The following MYO1E variants were observed in gnomAD, a reference collection of about 807,000 sequenced individuals.
MYO1E encodes myosin IE.
A neutral mutation model predicts 151.1 loss-of-function variants in MYO1E; 68 were observed. The observed-to-expected ratio is 0.45, with a 90% CI of 0.37 to 0.55. The LOEUF (loss-of-function observed/expected upper bound fraction) is 0.55, where lower values mean the gene tolerates loss of function less well. Ranked by LOEUF, MYO1E falls within the 20% of genes least tolerant of loss-of-function variation. The pLI, the probability that MYO1E is intolerant of heterozygous loss-of-function variation, is 0.00. For missense variants in MYO1E, 1,363 were observed against 1,389.3 expected, an observed-to-expected ratio of 0.98 and a Z score of 0.30; for synonymous variants, 601 against 501.7, an observed-to-expected ratio of 1.20 and a Z score of -2.64.
chr15:59,337,302 A>ATT (rs2080735049), intron 1 of MYO1E, among the ~76,000 whole-genome samples: 1 of 152,246 alleles, frequency 6.6e-6, no homozygotes, highest in Non-Finnish European at 1.5e-5. Flanking sequence ...AAAACAAAAC[A>ATT]TAAGGCAGGC....
intron 15 of MYO1E, 87 bp downstream of exon 15, chr15:59,205,313 C>T (rs1317950824): frequency 6.8e-6 from 9 of 1,320,102 alleles, no homozygotes; most frequent in Non-Finnish European, 9.8e-6. Context: ...TAGGAACACA[C>T]CACCACACCC....
chr15:59,215,772 CA>C (rs1218757729), intron 10 of MYO1E, among the ~76,000 whole-genome samples: 2 of 151,806 alleles, frequency 1.3e-5, no homozygotes, highest in East Asian at 1.9e-4. Flanking sequence ...GTACTATTCA[CA>C]AAAAAAACTG....
chr15:59,211,449 C>T (rs1371827418), intron 12 of MYO1E, among the ~76,000 whole-genome samples: 1 of 152,086 alleles, frequency 6.6e-6, no homozygotes, highest in Non-Finnish European at 1.5e-5. Context: ...CTCAGCCCTC[C>T]TTCTCTAGGT....
At chr15:59,305,746 T>C (rs1392357351) in intron 1 of MYO1E, among the ~76,000 whole-genome samples, 1 of 152,244 alleles carries the variant, frequency 6.6e-6, no homozygotes, top group Non-Finnish European at 1.5e-5. Flanking sequence ...GGGCTTTTTA[T>C]TGGACACACA....
chr15:59,301,582 T>C (rs1369285513), intron 1 of MYO1E, among the ~76,000 whole-genome samples: 1 of 152,252 alleles, frequency 6.6e-6, no homozygotes, highest in Admixed American at 6.5e-5. Flanking sequence ...TGAAGAGATC[T>C]TCTTGGATGC....
chr15:59,221,721 C>CAGT (rs1420327379), intron 9 of MYO1E, among the ~76,000 whole-genome samples: 4 of 152,174 alleles, frequency 2.6e-5, no homozygotes, highest in Non-Finnish European at 4.4e-5. Context: ...GCTGAGAAGA[C>CAGT]TACTAACTCT....
rs4287498 is a variant in MYO1E at position 59,256,028 on chromosome 15, T to C, written c.332+256A>G. Among the ~76,000 whole-genome samples the C allele has an allele frequency of 0.8, 121,502 of 152,174 alleles. 48,999 individuals carry two copies. Among genetic ancestry groups the C allele is most frequent in the Non-Finnish European group, 0.85 (57,710 of 68,006 alleles). ...TAGGGACCTACAGAAAAGGAATTCA[T>C]CTGACTAAACAGTGAAAACATGTTT... is the stretch of plus-strand genomic sequence containing the variant. On this transcript the variant is annotated intron_variant, in intron 4 of 27. Transcript: ENST00000288235.
At chr15:59,173,199 A>T (rs2079605690) in intron 21 of MYO1E, among the ~76,000 whole-genome samples, 3 of 152,254 alleles carry the variant, frequency 2.0e-5, no homozygotes. Flanking sequence ...GAATCCTTTG[A>T]TTCAACGATT....
chr15:59,234,246 G>GGATGGA (rs1566987682), intron 5 of MYO1E, among the ~76,000 whole-genome samples: 6,313 of 141,760 alleles, frequency 0.045, 415 homozygotes, highest in African/African-American at 0.15. Flanking sequence ...GGATGGATGG[G>GGATGGA]TGCATGGATG....
intron 1 of MYO1E, among the ~76,000 whole-genome samples, chr15:59,333,940 TC>T (rs1371575534): frequency 1.3e-5 from 2 of 152,208 alleles, no homozygotes; most frequent in African/African-American, 2.4e-5. Context: ...GTAAGCGACT[TC>T]CTGACTGAAT....
At chr15:59,207,268 G>A (rs764874223) in intron 14 of MYO1E, 4 of 1,614,222 alleles carry the variant, frequency 2.5e-6, no homozygotes, top group South Asian at 2.2e-5. Context: ...ACTGAAGGGT[G>A]AGACGATGGA....
rs559108896 is a variant in MYO1E, at chr15:59,275,004, G to A, written c.4-2555C>T. The stretch of plus-strand genomic sequence containing the variant: ...ATTAGTTATTTGATTTGTGGAGGGT[G>A]TTCTACTTACTACTGCAAGCAATCC... On this transcript the variant is annotated intron_variant, in intron 1 of 27. Coordinates refer to ENST00000288235, the MANE Select transcript of MYO1E (RefSeq NM_004998.4). Among the ~76,000 whole-genome samples, 3 of 152,300 alleles carry A rather than the reference G, an allele frequency of 2.0e-5. No individual in the cohort carries two copies. In the East Asian group the frequency reaches 5.8e-4, roughly 29 times the overall value.
At position 59,135,297 on chromosome 15, in the gene MYO1E, C is replaced by A. The variant is rs2079365702; in HGVS notation, c.*2083G>T. ...CCAGTTACACACAAGTGTAAAATGC[C>A]AATCAATCAATCAGGAGGAAAAACA... On this transcript the variant is annotated 3_prime_UTR_variant, in exon 28 of 28. Transcript: ENST00000288235. The A allele has an allele frequency of 6.6e-6, 1 of 152,056 alleles. No homozygotes were observed. Among genetic ancestry groups the A allele is most frequent in the Non-Finnish European group, 1.5e-5 (1 of 68,010 alleles). 9.4% of individuals were successfully genotyped at this position (152,056 alleles called of 1,614,324 possible).
intron 9 of MYO1E, among the ~76,000 whole-genome samples, chr15:59,222,434 C>A (rs557907487): frequency 6.6e-6 from 1 of 152,210 alleles, no homozygotes; most frequent in South Asian, 2.1e-4. Context: ...TAGGAAGAAC[C>A]CTGATTTTTT....
At chr15:59,154,814 C>G (rs569911606) in intron 25 of MYO1E, among the ~76,000 whole-genome samples, 9 of 152,292 alleles carry the variant, frequency 5.9e-5, no homozygotes, top group African/African-American at 2.2e-4. Flanking sequence ...TTCTCTATAT[C>G]CTTATTATTG....
chr15:59,272,360 T>C lies in MYO1E; in HGVS notation c.93A>G (p.Thr31=). 6.2e-7 allele frequency: 1 copy of C among 1,614,102 alleles called. No homozygotes were observed. Among genetic ancestry groups the C allele is most frequent in the Non-Finnish European group, 8.5e-7 (1 of 1,179,908 alleles). Residue 31 remains threonine (T), a synonymous_variant, in exon 2 of 28, where the codon ACA becomes ACG. Transcript: ENST00000288235. ...TCAGATTCTCCACGATGGAGTTCTCTGTGATCTTGGACAGTAGCACCATGT... is the reference window on the plus strand; with the variant it reads ...TCAGATTCTCCACGATGGAGTTCTCCGTGATCTTGGACAGTAGCACCATGT... ...VDDMVLLSKI[T]ENSIVENLKK...
At chr15:59,322,879 TG>T (rs1474386164) in intron 1 of MYO1E, among the ~76,000 whole-genome samples, 1 of 152,054 alleles carries the variant, frequency 6.6e-6, no homozygotes, top group Non-Finnish European at 1.5e-5. Flanking sequence ...TGGTGCTTTC[TG>T]GCCGGGCACG....
chr15:59,316,064 G>C (rs2080587063), intron 1 of MYO1E, among the ~76,000 whole-genome samples: 1 of 152,132 alleles, frequency 6.6e-6, no homozygotes, highest in Admixed American at 6.5e-5. Context: ...CTGAGCAGCA[G>C]GAGACAGAGC....
At chr15:59,144,103 A>G (rs1459445382) in intron 26 of MYO1E, among the ~76,000 whole-genome samples, 1 of 152,148 alleles carries the variant, frequency 6.6e-6, no homozygotes, top group East Asian at 1.9e-4. Context: ...CTGCATCTGT[A>G]AAACCTGAGC....
Sources: allele counts gnomAD v4.1 joint callset (sites outside exome capture counted in the v4.1 genomes callset), GRCh38; gene constraint gnomAD v4.1.1; transcripts MANE v1.5; gene names NCBI Gene and HGNC (gene_info 2026-07-23, HGNC 2026-07-21).